The following POM121C variants were observed in gnomAD, a reference collection of about 807,000 sequenced individuals.
POM121C encodes the protein POM121 transmembrane nucleoporin C, also known as nuclear envelope pore membrane protein POM 121C.
POM121C carries 20 observed loss-of-function variants against 66.4 expected under a neutral mutation model. The observed-to-expected ratio is 0.30, with a 90% CI of 0.21 to 0.44. The LOEUF is 0.44. Among genes scored for constraint, POM121C ranks in the 20% least tolerant of loss-of-function variants. The pLI is 1.00. For synonymous variants in POM121C, 286 were observed against 528.0 expected, an observed-to-expected ratio of 0.54 and a Z score of 6.28; for missense variants, 580 against 1,225.7, an observed-to-expected ratio of 0.47 and a Z score of 7.87.
intron 3 of POM121C, among the ~76,000 whole-genome samples, chr7:75,463,858 G>C (rs1451238908): frequency 6.6e-6 from 1 of 151,828 alleles, no homozygotes; most frequent in African/African-American, 2.4e-5. Context: ...ATGTCTGACT[G>C]TTTTTGGATT....
At chr7:75,425,342 T>C in intron 9 of POM121C, 147 bp from the exon 10 acceptor site, 1 of 726,404 alleles carries the variant, frequency 1.4e-6, no homozygotes, top group Non-Finnish European at 2.2e-6. Context: ...GCTTGGATGG[T>C]GTTTGTAAGA....
At chr7:75,419,210 T>C (rs1217685573) in intron 14 of POM121C, 110 bp downstream of exon 14, 2 of 1,454,884 alleles carry the variant, frequency 1.4e-6, no homozygotes, top group Non-Finnish European at 1.8e-6. Context: ...GAAATGTCTT[T>C]CCTGTGCTGA....
chr7:75,457,148 TAAAAATAA>T (rs1237698915), intron 3 of POM121C, among the ~76,000 whole-genome samples: 4 of 110,948 alleles, frequency 3.6e-5, no homozygotes, highest in Admixed American at 1.2e-4. Context: ...CTATTTCAAT[TAAAAATAA>T]ATAAATAAAT....
chr7:75,436,953 G>T (rs1169673472), intron 7 of POM121C, among the ~76,000 whole-genome samples: 3 of 152,176 alleles, frequency 2.0e-5, no homozygotes, highest in African/African-American at 7.2e-5. Flanking sequence ...AGTCTGTCCA[G>T]CAGCAAAGCC....
At position 75,483,028 on chromosome 7, in the gene POM121C, G is replaced by A. The variant is rs1184754849; in HGVS notation, c.-458+2836C>T. Among the ~76,000 whole-genome samples the A allele has an allele frequency of 6.6e-5, 10 of 152,160 alleles. 1 individual carries two copies. The highest frequency in any genetic ancestry group is 1.9e-4 in the East Asian group (1 of 5,172). The stretch of plus-strand genomic sequence containing the variant: ...GTTTGTATTGTTTGCTGTGCAACCC[G>A]AACAAAAAGACGAACAAATATTTGA... On this transcript the variant is annotated intron_variant, in intron 1 of 14. Transcript: ENST00000615331.
chr7:75,456,804 G>A (rs1563151435), intron 3 of POM121C, among the ~76,000 whole-genome samples: 1 of 152,174 alleles, frequency 6.6e-6, no homozygotes, highest in Non-Finnish European at 1.5e-5. Context: ...GATGGAATAA[G>A]CACACCCATT....
At chr7:75,424,301 C>T in intron 11 of POM121C, 76 bp from the exon 12 acceptor site, 1 of 1,543,454 alleles carries the variant, frequency 6.5e-7, no homozygotes, top group Non-Finnish European at 8.9e-7. Context: ...AGAGCAGGCT[C>T]TCAGCACAGC....
chr7:75,483,356 C>T (rs1166146692), intron 1 of POM121C, among the ~76,000 whole-genome samples: 3 of 152,116 alleles, frequency 2.0e-5, no homozygotes, highest in Non-Finnish European at 2.9e-5. Flanking sequence ...TCAATGCAAA[C>T]GATGTCATGG....
chr7:75,448,273 A>T (rs1232959892), intron 3 of POM121C, among the ~76,000 whole-genome samples: 2 of 152,042 alleles, frequency 1.3e-5, no homozygotes, highest in Non-Finnish European at 2.9e-5. Context: ...ATTCATCACC[A>T]ACAAACACAG....
At chr7:75,450,837 G>A (rs1412350625) in intron 3 of POM121C, among the ~76,000 whole-genome samples, 4 of 152,184 alleles carry the variant, frequency 2.6e-5, no homozygotes, top group South Asian at 2.1e-4. Context: ...TCAAATGTCC[G>A]TGTTTCAATG....
At chr7:75,429,533 AG>A (rs1790086370) in intron 7 of POM121C, among the ~76,000 whole-genome samples, 1 of 152,228 alleles carries the variant, frequency 6.6e-6, no homozygotes, top group Non-Finnish European at 1.5e-5. Flanking sequence ...TGGAACGCTG[AG>A]GCAGGAGAAT....
intron 1 of POM121C, among the ~76,000 whole-genome samples, chr7:75,481,082 T>C (rs1236223340): frequency 1.3e-5 from 2 of 148,472 alleles, no homozygotes; most frequent in Non-Finnish European, 3.0e-5. Context: ...TATAGGCATA[T>C]AAATGATTAA....
rs1792295761 is a variant in POM121C at position 75,481,135 on chromosome 7, T to C, written c.-458+4729A>G. Among the ~76,000 whole-genome samples, 7 of 149,518 alleles carry C rather than the reference T, an allele frequency of 4.7e-5. No homozygotes were observed. In the South Asian group the frequency reaches 1.5e-3, roughly 31 times the overall value. ...AATGAAGTATCTGAACAAAAGGAAG[T>C]ATCTGGGATTTCTTTGTAAAATCCT... On this transcript the variant is annotated intron_variant, in intron 1 of 14. Transcript: ENST00000615331.
intron 1 of POM121C, among the ~76,000 whole-genome samples, chr7:75,479,092 CAT>C (rs1554479765): frequency 6.6e-6 from 1 of 151,886 alleles, no homozygotes; most frequent in African/African-American, 2.4e-5. Context: ...AACAGAGAAA[CAT>C]ATTTAAAGCA....
chr7:75,460,630 C>T (rs1466030698), intron 3 of POM121C, among the ~76,000 whole-genome samples: 1 of 152,082 alleles, frequency 6.6e-6, no homozygotes, highest in Non-Finnish European at 1.5e-5. Context: ...AATTCTGAAA[C>T]ATGACCAGGA....
At chr7:75,431,419 C>T (rs1790171627) in intron 7 of POM121C, among the ~76,000 whole-genome samples, 2 of 151,482 alleles carry the variant, frequency 1.3e-5, no homozygotes, top group East Asian at 2.0e-4. Flanking sequence ...GCCTGACCAA[C>T]ATGCAGAAAC....
chr7:75,467,764 C>G (rs1481478899), intron 3 of POM121C, among the ~76,000 whole-genome samples: 2 of 152,016 alleles, frequency 1.3e-5, no homozygotes, highest in Non-Finnish European at 2.9e-5. Flanking sequence ...ATCACAAAGT[C>G]CCTGCTCAGT....
chr7:75,446,657 T>C (rs1279165741), intron 3 of POM121C, among the ~76,000 whole-genome samples: 3 of 152,014 alleles, frequency 2.0e-5, no homozygotes, highest in Admixed American at 6.5e-5. Flanking sequence ...CCTGAAAGGA[T>C]CCAACTTTCC....
intron 3 of POM121C, chr7:75,442,608 C>T (rs1790697213): frequency 6.7e-7 from 1 of 1,490,314 alleles, no homozygotes; most frequent in Non-Finnish European, 8.9e-7. Context: ...AGCGACAGGC[C>T]GAGAAGCGCC....
Sources: allele counts gnomAD v4.1 joint callset (sites outside exome capture counted in the v4.1 genomes callset), GRCh38; gene constraint gnomAD v4.1.1; transcripts MANE v1.5; gene names NCBI Gene and HGNC (gene_info 2026-07-23, HGNC 2026-07-21).